FUT6: variants seen among roughly 807,000 people sequenced by gnomAD.
FUT6 encodes the protein fucosyltransferase 6.
For missense variants in FUT6, 454 were observed against 494.6 expected, an observed-to-expected ratio of 0.92 and a Z score of 0.78; for synonymous variants, 187 against 209.9, an observed-to-expected ratio of 0.89 and a Z score of 0.94.
In FUT6 at chr19:5,833,395, A is replaced by G. The variant is rs371011074; in HGVS notation, c.-12-816T>C. On this transcript the variant is annotated intron_variant, in intron 2 of 2. Transcript: ENST00000318336. Reference sequence around the variant, plus strand: ...TCCCAGCTACTTGAGAGGCTGAGGCAGGAGAATTGCTTGAACCTGGGGGGT... The same window carrying G: ...TCCCAGCTACTTGAGAGGCTGAGGCGGGAGAATTGCTTGAACCTGGGGGGT... Among the ~76,000 whole-genome samples, 45 of 151,774 alleles carry G rather than the reference A, an allele frequency of 3.0e-4. No homozygotes were observed. The East Asian group carries it at 3.3e-3, about 11-fold the overall frequency.
chr19:5,831,377 C>T lies in FUT6; in HGVS notation c.*111G>A. ...GGTGACCGTCCCAGGCAGGTGAGTC[C>T]TCAGGCAGGTGAAGCTTCAGGCAAA... On this transcript the variant is annotated 3_prime_UTR_variant, in exon 3 of 3. Coordinates refer to ENST00000318336, the MANE Select transcript of FUT6 (RefSeq NM_000150.4). This position sits in a 1 kb window ranked among gnomAD's most constrained non-coding sequence, Gnocchi z 7.0. The T allele has an allele frequency of 1.2e-6, 2 of 1,610,958 alleles. No homozygotes were observed. Among genetic ancestry groups the T allele is most frequent in the African/African-American group, 2.7e-5 (2 of 74,986 alleles).
Position 5,831,369 on chromosome 19 carries a change from G to A in FUT6, c.*119C>T, listed in dbSNP as rs1186064551. Reference sequence around the variant, plus strand: ...CTGCAACAGGTGACCGTCCCAGGCAGGTGAGTCCTCAGGCAGGTGAAGCTT... The same window carrying A: ...CTGCAACAGGTGACCGTCCCAGGCAAGTGAGTCCTCAGGCAGGTGAAGCTT... On this transcript the variant is annotated 3_prime_UTR_variant, in exon 3 of 3. Transcript: ENST00000318336. The surrounding 1 kb of genome is among the most constrained non-coding windows in gnomAD (Gnocchi z 7.0). The A allele has an allele frequency of 1.2e-6, 2 of 1,609,642 alleles. No individual in the cohort carries two copies. The highest frequency in any genetic ancestry group is 1.7e-6 in the Non-Finnish European group (2 of 1,179,250).
Position 5,832,649 on chromosome 19 carries a change from G to C in FUT6, c.-12-70C>G. On this transcript the variant is annotated intron_variant, in intron 2 of 2. Coordinates refer to ENST00000318336, the MANE Select transcript of FUT6 (RefSeq NM_000150.4). The surrounding 1 kb of genome is among the most constrained non-coding windows in gnomAD (Gnocchi z 4.3). The stretch of plus-strand genomic sequence containing the variant: ...CCTGCTTACCAAAGCTCCAGGCCAT[G>C]AGTCCTGAGAAGAGCTGTTATTATT... 8.5e-7 allele frequency: 1 copy of C among 1,174,348 alleles called. No homozygotes were observed. Among genetic ancestry groups the C allele is most frequent in the Non-Finnish European group, 1.3e-6 (1 of 788,416 alleles). The allele number at this position is 1,174,348 out of a possible 1,614,324, so 72.7% of individuals were successfully genotyped here.
chr19:5,839,676 CA>C lies in FUT6; in HGVS notation c.-1141del, dbSNP rs2057225304. 1.3e-5 allele frequency: 2 copies of C among 152,210 alleles called. No individual in the cohort carries two copies. The highest frequency in any genetic ancestry group is 4.1e-4 in the South Asian group (2 of 4,832). The allele number at this position is 152,210 out of a possible 1,614,324, so 9.4% of individuals were successfully genotyped here. ...TGCAGGGCAGTGCAAAGCAGAAGTC[CA>C]GGGAGCTATGCAAACTTCCTGGAAT... On this transcript the variant is annotated 5_prime_UTR_variant, in exon 1 of 3. Coordinates refer to ENST00000318336, the MANE Select transcript of FUT6 (RefSeq NM_000150.4).
rs896862973 is a variant in FUT6, at chr19:5,838,929, G to A, written c.-393C>T. 6.6e-6 allele frequency: 1 copy of A among 152,170 alleles called. No homozygotes were observed. The highest frequency in any genetic ancestry group is 1.5e-5 in the Non-Finnish European group (1 of 68,044). 9.4% of individuals were successfully genotyped at this position (152,170 alleles called of 1,614,324 possible). On this transcript the variant is annotated 5_prime_UTR_variant, in exon 1 of 3. Transcript: ENST00000318336. ...TAATCCCCGTTGCAGAACCAAACAG[G>A]GTGAAGGGATTTGGAGACTCAGGTC...
intron 2 of FUT6, chr19:5,834,340 G>C: frequency 6.6e-6 from 1 of 152,586 alleles, no homozygotes; most frequent in Non-Finnish European, 1.5e-5. Flanking sequence ...GCCACCCAGA[G>C]ACATGGGGAA....
intron 2 of FUT6, among the ~76,000 whole-genome samples, chr19:5,833,804 A>G (rs558779338): frequency 6.6e-6 from 1 of 152,078 alleles, no homozygotes; most frequent in East Asian, 1.9e-4. Context: ...AAAAAAAAAA[A>G]AAAGAAAGAA....
Position 5,831,910 on chromosome 19 carries a change from C to T in FUT6, c.658G>A (p.Val220Met), listed in dbSNP as rs192315992. Reference sequence around the variant, plus strand: ...AGGGGCTTGTGGGAGCGTCCGTACACGTCCACCTTGAGATGGGCCTGCAGG... The same window carrying T: ...AGGGGCTTGTGGGAGCGTCCGTACATGTCCACCTTGAGATGGGCCTGCAGG... ...QSLQAHLKVDVYGRSHKPLPQ... is the reference protein window; with the variant it reads ...QSLQAHLKVDMYGRSHKPLPQ... Residue 220 changes from valine (V) to methionine (M), a missense_variant, in exon 3 of 3, where the codon GTG (valine) becomes ATG (methionine). By Grantham distance (21) the Val-to-Met change is conservative. Transcript: ENST00000318336. The surrounding 1 kb of genome is among the most constrained non-coding windows in gnomAD (Gnocchi z 7.0). 9.3e-6 allele frequency: 15 copies of T among 1,613,962 alleles called. No individual in the cohort carries two copies. The highest frequency in any genetic ancestry group is 9.3e-6 in the Non-Finnish European group (11 of 1,179,868).
At chr19:5,833,919 G>A (rs1568407081) in intron 2 of FUT6, among the ~76,000 whole-genome samples, 1 of 151,996 alleles carries the variant, frequency 6.6e-6, no homozygotes, top group Middle Eastern at 3.2e-3. Flanking sequence ...ATAACTTGAG[G>A]TCAAGAGTTT....
chr19:5,833,102 G>C (rs74421545), intron 2 of FUT6, among the ~76,000 whole-genome samples: 3,241 of 152,330 alleles, frequency 0.021, 48 homozygotes, highest in Non-Finnish European at 0.03. Context: ...AGTGGGGAGA[G>C]ACCCCTGAGC....
chr19:5,830,750 G>A lies in FUT6; in HGVS notation c.*738C>T, dbSNP rs2144779197. 1 of 165,782 alleles carries A rather than the reference G, an allele frequency of 6.0e-6. No homozygotes were observed. The highest frequency in any genetic ancestry group is 5.5e-5 in the Admixed American group (1 of 18,238). The allele number at this position is 165,782 out of a possible 1,614,324, so 10.3% of individuals were successfully genotyped here. On this transcript the variant is annotated 3_prime_UTR_variant, in exon 3 of 3. Coordinates refer to ENST00000318336, the MANE Select transcript of FUT6 (RefSeq NM_000150.4). ...GCTTCCCAAGTAGCTGGGATTACAGGCATGCACCACCACGCCCGGCAAATT... is the reference window on the plus strand; with the variant it reads ...GCTTCCCAAGTAGCTGGGATTACAGACATGCACCACCACGCCCGGCAAATT...
chr19:5,837,038 T>C (rs2057189801), intron 1 of FUT6, among the ~76,000 whole-genome samples: 1 of 152,070 alleles, frequency 6.6e-6, no homozygotes, highest in South Asian at 2.1e-4. Flanking sequence ...GTACTTTTTA[T>C]GTTTGTTTGT....
Position 5,832,786 on chromosome 19 carries a change from G to A in FUT6, c.-12-207C>T, listed in dbSNP as rs148081894. ...AGAGTCCACTTCCTCCCACCCATTAGACAACAGGCCCTTTCTACATGGGCA... is the reference window on the plus strand; with the variant it reads ...AGAGTCCACTTCCTCCCACCCATTAAACAACAGGCCCTTTCTACATGGGCA... On this transcript the variant is annotated intron_variant, in intron 2 of 2. Transcript: ENST00000318336. The surrounding 1 kb of genome is among the most constrained non-coding windows in gnomAD (Gnocchi z 4.3). The A allele has an allele frequency of 7.2e-4, 431 of 594,662 alleles. 2 individuals carry two copies. The highest frequency in any genetic ancestry group is 7.2e-4 in the Non-Finnish European group (243 of 335,174). 36.8% of individuals were successfully genotyped at this position (594,662 alleles called of 1,614,324 possible).
chr19:5,837,714 C>T (rs1363873840), intron 1 of FUT6, among the ~76,000 whole-genome samples: 1 of 152,040 alleles, frequency 6.6e-6, no homozygotes, highest in Non-Finnish European at 1.5e-5. Flanking sequence ...TGCAGTGAGC[C>T]AAGGTCGCGC....
In FUT6 at chr19:5,830,904, T is replaced by C. The variant is rs1418139458; in HGVS notation, c.*584A>G. The C allele has an allele frequency of 3.8e-6, 1 of 264,462 alleles. No individual in the cohort carries two copies. The highest frequency in any genetic ancestry group is 7.4e-6 in the Non-Finnish European group (1 of 135,024). 16.4% of individuals were successfully genotyped at this position (264,462 alleles called of 1,614,324 possible). A position where few individuals can be genotyped will look rare whatever the true frequency, so the allele number is the denominator to read the frequency against. The stretch of plus-strand genomic sequence containing the variant: ...CAGGTGTGAGCCACCGCACCCGGCC[T>C]CATCATCGGTTTTCTTTGCAGTATT... On this transcript the variant is annotated 3_prime_UTR_variant, in exon 3 of 3. Coordinates refer to ENST00000318336, the MANE Select transcript of FUT6 (RefSeq NM_000150.4).
intron 2 of FUT6, among the ~76,000 whole-genome samples, chr19:5,834,021 A>C (rs2057145214): frequency 6.6e-6 from 1 of 151,964 alleles, no homozygotes; most frequent in African/African-American, 2.4e-5. Flanking sequence ...AGTCCCAGCT[A>C]CTCGGGAGAC....
chr19:5,832,341 G>A lies in FUT6; in HGVS notation c.227C>T (p.Ala76Val), dbSNP rs1484383907. ...CACCATCTCTGAGCAGCGGGGCAGA[G>A]CTATGGGTTTGTTAAAAGGCCACGT... is the stretch of plus-strand genomic sequence containing the variant. ...LWTWPFNKPIALPRCSEMVPG... is the reference protein window; with the variant it reads ...LWTWPFNKPIVLPRCSEMVPG... Residue 76 changes from alanine (A) to valine (V), a missense_variant, in exon 3 of 3, where the codon GCT (alanine) becomes GTT (valine). Coordinates refer to ENST00000318336, the MANE Select transcript of FUT6 (RefSeq NM_000150.4). This position sits in a 1 kb window ranked among gnomAD's most constrained non-coding sequence, Gnocchi z 4.3. The A allele has an allele frequency of 1.2e-6, 2 of 1,613,960 alleles. No individual in the cohort carries two copies. Among genetic ancestry groups the A allele is most frequent in the African/African-American group, 1.3e-5 (1 of 74,912 alleles).
intron 2 of FUT6, among the ~76,000 whole-genome samples, chr19:5,833,427 T>G (rs1178226923): frequency 6.7e-6 from 1 of 149,080 alleles, no homozygotes; most frequent in Non-Finnish European, 1.5e-5. Flanking sequence ...GGGTGGAGGT[T>G]GCAGTGAGCC....
intron 1 of FUT6, among the ~76,000 whole-genome samples, chr19:5,837,689 C>G (rs550850935): frequency 6.6e-6 from 1 of 152,188 alleles, no homozygotes; most frequent in African/African-American, 2.4e-5. Flanking sequence ...TGGTGTGAAC[C>G]CGGGAGGCGG....
Sources: gnomAD v4.1 joint callset for allele counts (sites outside exome capture counted in the v4.1 genomes callset) on GRCh38, gnomAD v4.1.1 for gene constraint, Gnocchi (gnomAD v3.1) non-coding constraint, MANE v1.5 for transcripts, NCBI Gene and HGNC (gene_info 2026-07-23, HGNC 2026-07-21) for gene names.